PITPNM2: variants seen among roughly 807,000 people sequenced by gnomAD.
The protein encoded by PITPNM2 is phosphatidylinositol transfer protein membrane associated 2, also known as membrane-associated phosphatidylinositol transfer protein 2.
Under a neutral mutation model 132.2 loss-of-function variants are expected in PITPNM2, and 35 were observed. That is an observed-to-expected ratio of 0.26 (90% CI 0.20 to 0.35). The LOEUF is 0.35. Ranked by LOEUF, PITPNM2 falls within the 10% of genes least tolerant of loss-of-function variation. The pLI is 1.00. For synonymous variants in PITPNM2, 738 were observed against 799.2 expected (o/e 0.92, Z 1.29); for missense variants, 1,332 against 1,912.0 (o/e 0.70, Z 5.66).
At chr12:123,124,675 C>T (rs2043102468) in intron 1 of PITPNM2, among the ~76,000 whole-genome samples, 1 of 152,174 alleles carries the variant, frequency 6.6e-6, no homozygotes, top group African/African-American at 2.4e-5. Flanking sequence ...CACCCATTAA[C>T]TCGTCATTTA....
At chr12:123,084,585 C>T (rs1566285014) in intron 2 of PITPNM2, 1 of 152,238 alleles carries the variant, frequency 6.6e-6, no homozygotes, top group Non-Finnish European at 1.5e-5. Flanking sequence ...GCCCCCAGAG[C>T]ATGGGTGAAG....
chr12:122,990,686 C>T lies in PITPNM2; in HGVS notation c.2428G>A (p.Ala810Thr). 1.2e-6 allele frequency: 2 copies of T among 1,610,320 alleles called. No individual in the cohort carries two copies. The highest frequency in any genetic ancestry group is 1.7e-6 in the Non-Finnish European group (2 of 1,179,112). ...GGGGCGCCATGCTCTTGGAAGGCTG[C>T]ATTGTGGGTCTGGAGCACATCCGCT... Reference protein sequence around the residue: ...LLADVLQTHNAAFQEHGAPSS... With the variant: ...LLADVLQTHNTAFQEHGAPSS... The change falls in exon 17 of 26, where the codon GCA (alanine) becomes ACA (threonine). Residue 810 changes from alanine (A) to threonine (T), a missense_variant. Around this residue, in one of 6 missense-constraint regions of PITPNM2, gnomAD observed 710 missense variants for 911.5 expected, o/e 0.78. Coordinates refer to ENST00000320201, the MANE Select transcript of PITPNM2 (RefSeq NM_020845.3).
chr12:123,141,262 C>G (rs1293991684), intron 1 of PITPNM2, among the ~76,000 whole-genome samples: 2 of 152,206 alleles, frequency 1.3e-5, no homozygotes, highest in Non-Finnish European at 2.9e-5. Context: ...GTTTCCTCAC[C>G]TGTAAAATGG....
intron 1 of PITPNM2, among the ~76,000 whole-genome samples, chr12:123,148,328 C>T (rs972139424): frequency 3.9e-5 from 6 of 152,190 alleles, no homozygotes; most frequent in African/African-American, 1.4e-4. Flanking sequence ...ACTCTGCGGT[C>T]ATAAGCAGTG....
rs1483099977 is a variant in PITPNM2, at chr12:123,031,840, C to A, written c.78+2673G>T. 6.6e-6 allele frequency among the ~76,000 whole-genome samples: 1 copy of A among 152,182 alleles called. No homozygotes were observed. Among genetic ancestry groups the A allele is most frequent in the African/African-American group, 2.4e-5 (1 of 41,446 alleles). On this transcript the variant is annotated intron_variant, in intron 3 of 25. Transcript: ENST00000320201. The surrounding 1 kb of genome is among the most constrained non-coding windows in gnomAD (Gnocchi z 4.5). ...GACGTGTGCACACATGCTTGCTCACCCAGAAGGTGCACAGGGAAAGGCTCT... is the reference window on the plus strand; with the variant it reads ...GACGTGTGCACACATGCTTGCTCACACAGAAGGTGCACAGGGAAAGGCTCT...
In PITPNM2 at chr12:123,034,501, C is replaced by T. The variant is rs1348460726; in HGVS notation, c.78+12G>A. 6.2e-7 allele frequency: 1 copy of T among 1,613,732 alleles called. No homozygotes were observed. Among genetic ancestry groups the T allele is most frequent in the African/African-American group, 1.3e-5 (1 of 75,034 alleles). On this transcript the variant is annotated intron_variant, in intron 3 of 25. Coordinates refer to ENST00000320201, the MANE Select transcript of PITPNM2 (RefSeq NM_020845.3). ...CCCTCACCCCATGACCCACCCTTGC[C>T]CCACGACCCACCTGTATCATGTACA...
At position 123,034,461 on chromosome 12, in the gene PITPNM2, C is replaced by T. The variant is rs541461889; in HGVS notation, c.78+52G>A. Reference sequence around the variant, plus strand: ...ACCTAACCCACATGTGGTGTCTGTGCGCTGGCGCGACCCACCCTCACCCCA... The same window carrying T: ...ACCTAACCCACATGTGGTGTCTGTGTGCTGGCGCGACCCACCCTCACCCCA... On this transcript the variant is annotated intron_variant, in intron 3 of 25. Coordinates refer to ENST00000320201, the MANE Select transcript of PITPNM2 (RefSeq NM_020845.3). The T allele has an allele frequency of 6.4e-5, 98 of 1,536,368 alleles. No homozygotes were observed. The East Asian group carries it at 9.2e-4, about 14-fold the overall frequency.
rs10606016 is a variant in PITPNM2, at chr12:123,052,077, G to GTTTTTTTTTT, written c.-95-17402_-95-17393dup. Among the ~76,000 whole-genome samples the GTTTTTTTTTT allele has an allele frequency of 8.6e-3, 861 of 100,612 alleles. 1 individual carries two copies. The highest frequency in any genetic ancestry group is 0.013 in the Non-Finnish European group (624 of 49,804). The allele number at this position is 100,612 out of a possible 152,430, so 66.0% of individuals were successfully genotyped here. On this transcript the variant is annotated intron_variant, in intron 2 of 25. Transcript: ENST00000320201. ...ACCACCATGCCCGGTTAATTTTATT[G>GTTTTTTTTTT]TTTTTTTTTTTTTTTTTTTTTGTAT... is the stretch of plus-strand genomic sequence containing the variant.
rs879370402 is a variant in PITPNM2 at position 123,000,101 on chromosome 12, G to A, written c.1224+677C>T. On this transcript the variant is annotated intron_variant, in intron 10 of 25. Coordinates refer to ENST00000320201, the MANE Select transcript of PITPNM2 (RefSeq NM_020845.3). This position sits in a 1 kb window ranked among gnomAD's most constrained non-coding sequence, Gnocchi z 5.4. ...CTCCTCCTCCCCGCCTAGATTCCCC[G>A]GGGGCCCGAGTTCCCCACAGAAGTG... is the stretch of plus-strand genomic sequence containing the variant. Among the ~76,000 whole-genome samples, 3 of 152,174 alleles carry A rather than the reference G, an allele frequency of 2.0e-5. No homozygotes were observed. The highest frequency in any genetic ancestry group is 6.5e-5 in the Admixed American group (1 of 15,284).
chr12:123,126,110 C>A (rs1371453107), intron 1 of PITPNM2, among the ~76,000 whole-genome samples: 2 of 151,824 alleles, frequency 1.3e-5, no homozygotes, highest in African/African-American at 4.8e-5. Context: ...ACCTTGTGAT[C>A]CGCCTGCCTC....
intron 2 of PITPNM2, among the ~76,000 whole-genome samples, chr12:123,040,488 T>G (rs1444220654): frequency 3.3e-5 from 5 of 152,228 alleles, no homozygotes; most frequent in African/African-American, 1.2e-4. Context: ...TTATTATACT[T>G]CAATCAAGCT....
intron 16 of PITPNM2, chr12:122,991,953 TC>T: frequency 7.7e-7 from 1 of 1,292,982 alleles, no homozygotes; most frequent in Non-Finnish European, 9.8e-7. Context: ...GCATGGGCCA[TC>T]CAGACACGCT....
chr12:122,986,465 G>A lies in PITPNM2; in HGVS notation c.3697C>T (p.Pro1233Ser). The A allele has an allele frequency of 6.3e-7, 1 of 1,575,986 alleles. No homozygotes were observed. Among genetic ancestry groups the A allele is most frequent in the Non-Finnish European group, 8.6e-7 (1 of 1,161,508 alleles). Reference protein sequence around the residue: ...SPMQIYIVGRPTKKLQQQCQF... With the variant: ...SPMQIYIVGRSTKKLQQQCQF... Reference sequence around the variant, plus strand: ...CACTGCTGCTGCAGCTTCTTGGTGGGCCGGCCCACGATGTAGATCTGCATG... The same window carrying A: ...CACTGCTGCTGCAGCTTCTTGGTGGACCGGCCCACGATGTAGATCTGCATG... The change falls in exon 25 of 26, where the codon CCC becomes TCC. Residue 1233 changes from proline to serine, a missense_variant. Physicochemically the swap from Pro to Ser is moderately conservative, Grantham distance 74. Coordinates refer to ENST00000320201, the MANE Select transcript of PITPNM2 (RefSeq NM_020845.3).
chr12:123,074,365 C>T (rs2136937046), intron 2 of PITPNM2, among the ~76,000 whole-genome samples: 1 of 152,090 alleles, frequency 6.6e-6, no homozygotes, highest in South Asian at 2.1e-4. Context: ...TTAAAGATGC[C>T]CAAATACAAA....
intron 2 of PITPNM2, among the ~76,000 whole-genome samples, chr12:123,045,314 T>C (rs916949940): frequency 1.3e-5 from 2 of 152,232 alleles, no homozygotes; most frequent in Non-Finnish European, 2.9e-5. Flanking sequence ...CTATACTTGC[T>C]GTTTCCATTG....
chr12:123,072,330 G>A (rs1159846950), intron 2 of PITPNM2, among the ~76,000 whole-genome samples: 1 of 152,194 alleles, frequency 6.6e-6, no homozygotes, highest in African/African-American at 2.4e-5. Flanking sequence ...ACAGGGACAA[G>A]GTCTTCTAAC....
chr12:123,096,242 G>A (rs775547830), intron 2 of PITPNM2, among the ~76,000 whole-genome samples: 3 of 152,172 alleles, frequency 2.0e-5, no homozygotes, highest in Non-Finnish European at 4.4e-5. Context: ...GCACACCCAG[G>A]CACCATTTAT....
intron 8 of PITPNM2, among the ~76,000 whole-genome samples, chr12:123,003,166 T>A (rs2038770976): frequency 6.6e-6 from 1 of 152,250 alleles, no homozygotes; most frequent in Non-Finnish European, 1.5e-5. Context: ...CACAGCTTCA[T>A]AAGAAGTGCT....
At position 122,990,762 on chromosome 12, in the gene PITPNM2, G is replaced by A. The variant is rs546693255; in HGVS notation, c.2405-53C>T. The A allele has an allele frequency of 4.2e-4, 633 of 1,523,536 alleles. 4 individuals are homozygous for A. Among genetic ancestry groups the A allele is most frequent in the Admixed American group, 4.0e-3 (208 of 51,844 alleles). The allele number at this position is 1,523,536 out of a possible 1,614,324, so 94.4% of individuals were successfully genotyped here. ...GGTAAGAGAGGCCCTGCCCAGCCCC[G>A]GAGCAGTGGGGAAGCCAGTGTGCCA... is the stretch of plus-strand genomic sequence containing the variant. On this transcript the variant is annotated intron_variant, in intron 16 of 25. Coordinates refer to ENST00000320201, the MANE Select transcript of PITPNM2 (RefSeq NM_020845.3).
Sources: allele counts gnomAD v4.1 joint callset (sites outside exome capture counted in the v4.1 genomes callset), GRCh38; gene constraint gnomAD v4.1.1; regional missense constraint gnomAD v4.1.1; non-coding constraint Gnocchi (gnomAD v3.1); transcripts MANE v1.5; gene names NCBI Gene and HGNC (gene_info 2026-07-23, HGNC 2026-07-21).